Variants in ABCB1 observed in about 807,000 individuals in gnomAD.
The protein encoded by ABCB1 is ATP binding cassette subfamily B member 1.
In ABCB1, 69 loss-of-function variants were observed where a neutral mutation model predicts 142.0. The ratio of observed to expected loss-of-function variants is 0.49; its 90% confidence interval spans 0.40 to 0.59. The LOEUF (loss-of-function observed/expected upper bound fraction) is 0.59. Among genes scored for constraint, ABCB1 ranks in the 20% least tolerant of loss-of-function variants. The pLI is 0.00. For missense variants in ABCB1, 1,326 were observed against 1,554.7 expected, an observed-to-expected ratio of 0.85 and a Z score of 2.47; for synonymous variants, 532 against 539.2, an observed-to-expected ratio of 0.99 and a Z score of 0.18.
At chr7:87,530,910 A>G (rs1816026815) in intron 21 of ABCB1, among the ~76,000 whole-genome samples, 1 of 151,744 alleles carries the variant, frequency 6.6e-6, no homozygotes, top group African/African-American at 2.4e-5. Context: ...GAAGGGAAGG[A>G]AGGAAAAAAG....
intron 17 of ABCB1, 65 bp downstream of exon 17, chr7:87,544,064 A>G: frequency 6.3e-7 from 1 of 1,584,784 alleles, no homozygotes; most frequent in South Asian, 1.1e-5. Context: ...AGACACAAGC[A>G]CTTTATTCGT....
At chr7:87,702,248 A>C (rs1217361387) in intron 1 of ABCB1, among the ~76,000 whole-genome samples, 1 of 149,964 alleles carries the variant, frequency 6.7e-6, no homozygotes, top group Non-Finnish European at 1.5e-5. Context: ...TTATGTTAAC[A>C]GGTAATGGGT....
At chr7:87,574,345 C>T (rs1818188267) in intron 4 of ABCB1, among the ~76,000 whole-genome samples, 1 of 152,174 alleles carries the variant, frequency 6.6e-6, no homozygotes, top group Admixed American at 6.6e-5. Flanking sequence ...CTCCAAGACA[C>T]ACCCCAGGGA....
At chr7:87,678,771 G>T (rs1826627924) in intron 1 of ABCB1, among the ~76,000 whole-genome samples, 1 of 152,112 alleles carries the variant, frequency 6.6e-6, no homozygotes, top group Non-Finnish European at 1.5e-5. Flanking sequence ...AAAAAAGTTG[G>T]AGTAGATTTA....
intron 1 of ABCB1, among the ~76,000 whole-genome samples, chr7:87,639,470 A>G (rs1039066363): frequency 2.6e-5 from 4 of 152,046 alleles, no homozygotes; most frequent in Non-Finnish European, 5.9e-5. Context: ...TATACTCTTT[A>G]GTATTGAGAG....
At chr7:87,628,887 A>G (rs764711054) in intron 1 of ABCB1, 1 of 1,301,006 alleles carries the variant, frequency 7.7e-7, no homozygotes, top group South Asian at 3.4e-5. Context: ...AGGCGGCAAG[A>G]AAAGCCTGAG....
At chr7:87,565,875 A>G (rs1817765384) in intron 7 of ABCB1, among the ~76,000 whole-genome samples, 195 bp downstream of exon 7, 1 of 152,102 alleles carries the variant, frequency 6.6e-6, no homozygotes, top group South Asian at 2.1e-4. Flanking sequence ...TCACATGGCC[A>G]AGAACAGCAT....
At chr7:87,660,366 C>A (rs1039557734) in intron 1 of ABCB1, among the ~76,000 whole-genome samples, 2 of 151,860 alleles carry the variant, frequency 1.3e-5, no homozygotes, top group Non-Finnish European at 2.9e-5. Flanking sequence ...GTCTTCTATC[C>A]CATATACTCT....
intron 1 of ABCB1, among the ~76,000 whole-genome samples, chr7:87,699,763 A>G (rs1828854103): frequency 6.6e-6 from 1 of 152,196 alleles, no homozygotes; most frequent in Admixed American, 6.5e-5. Context: ...TCATGAACGG[A>G]TACATAGTTA....
chr7:87,542,657 C>G (rs1173735238), intron 17 of ABCB1, among the ~76,000 whole-genome samples: 1 of 123,746 alleles, frequency 8.1e-6, no homozygotes, highest in Non-Finnish European at 1.8e-5. Context: ...TTAACCATTT[C>G]CTTTTTTTTT....
In ABCB1 at chr7:87,521,901, C is replaced by T. The variant is rs148585055; in HGVS notation, c.2686-1025G>A. On this transcript the variant is annotated intron_variant, in intron 21 of 27. Coordinates refer to ENST00000622132, the MANE Select transcript of ABCB1 (RefSeq NM_001348946.2). ...ACCAAGGCAGTGATAAGAAAAGGGG[C>T]TTTGCTTTAGTAACTTTTGACGACC... 1.3e-3 allele frequency: 969 copies of T among 774,364 alleles called. 7 individuals carry two copies. The African/African-American group carries it at 0.015, about 12-fold the overall frequency. The allele number at this position is 774,364 out of a possible 1,614,324, so 48.0% of individuals were successfully genotyped here.
chr7:87,628,584 CGTGT>C (rs71117546), intron 1 of ABCB1: 29,848 of 288,544 alleles, frequency 0.1, 1,275 homozygotes, highest in East Asian at 0.18. Context: ...TGCGTGCGTG[CGTGT>C]GTGTGTGTGT....
chr7:87,709,337 T>A (rs2130735826), intron 1 of ABCB1: 14 of 985,364 alleles, frequency 1.4e-5, no homozygotes, highest in Non-Finnish European at 1.7e-5. Flanking sequence ...CTAGTTTCTG[T>A]GTCTTTTAGA....
chr7:87,591,682 A>T lies in ABCB1; in HGVS notation c.117+4084T>A, dbSNP rs76632589. ...AAGGTGAATGAAGTAGAAGCAATCA[A>T]ATGCCAAAGTCCTCAAGGAATGGGG... On this transcript the variant is annotated intron_variant, in intron 3 of 27. Coordinates refer to ENST00000622132, the MANE Select transcript of ABCB1 (RefSeq NM_001348946.2). Among the ~76,000 whole-genome samples, 497 of 152,348 alleles carry T rather than the reference A, an allele frequency of 3.3e-3. 2 individuals carry two copies. Among genetic ancestry groups the T allele is most frequent in the African/African-American group, 0.01 (421 of 41,582 alleles).
chr7:87,555,427 G>T (rs1183247893), intron 8 of ABCB1, among the ~76,000 whole-genome samples: 1 of 152,090 alleles, frequency 6.6e-6, no homozygotes, highest in Non-Finnish European at 1.5e-5. Context: ...TTCCTTTGGA[G>T]AACTTGTTCC....
intron 20 of ABCB1, 147 bp from the exon 21 acceptor site, chr7:87,531,644 T>C: frequency 1.4e-6 from 1 of 727,498 alleles, no homozygotes. Flanking sequence ...GTAAGTTTAT[T>C]GAGTTTCTAC....
In ABCB1 at chr7:87,628,816, A is replaced by C. The variant is rs1033291762; in HGVS notation, c.-330-27738T>G. 1.4e-5 allele frequency: 17 copies of C among 1,240,724 alleles called. No homozygotes were observed. The African/African-American group carries it at 2.6e-4, about 19-fold the overall frequency. 76.9% of individuals were successfully genotyped at this position (1,240,724 alleles called of 1,614,324 possible). On this transcript the variant is annotated intron_variant, in intron 1 of 28. Transcript: ENST00000265724. Reference sequence around the variant, plus strand: ...ACGAGACAAAAGGGGCACGGGGGTAAGCCCGCCATGGCCTCCCGGAGCCTG... The same window carrying C: ...ACGAGACAAAAGGGGCACGGGGGTACGCCCGCCATGGCCTCCCGGAGCCTG...
chr7:87,554,894 A>G (rs1380516248), intron 8 of ABCB1, among the ~76,000 whole-genome samples: 1 of 152,232 alleles, frequency 6.6e-6, no homozygotes, highest in Non-Finnish European at 1.5e-5. Flanking sequence ...CAAATATAGG[A>G]AATTGTACAA....
At position 87,550,211 on chromosome 7, in the gene ABCB1, A is replaced by G; in HGVS notation, c.1310T>C (p.Val437Ala). 1.2e-6 allele frequency: 2 copies of G among 1,614,158 alleles called. No individual in the cohort carries two copies. The highest frequency in any genetic ancestry group is 1.7e-6 in the Non-Finnish European group (2 of 1,180,026). ...GTCATAGAGCCTCTGCATCAGCTGG[A>G]CTGTTGTGCTCTTCCCACAGCCACT... is the stretch of plus-strand genomic sequence containing the variant. ...GNSGCGKSTT[V>A]QLMQRLYDPT... is the part of the protein sequence containing the mutation. Residue 437 changes from valine to alanine, a missense_variant, in exon 12 of 28, where the codon GTC becomes GCC. Physicochemically the swap from Val to Ala is moderately conservative, Grantham distance 64 (BLOSUM62 0). Transcript: ENST00000622132.
Sources: allele counts gnomAD v4.1 joint callset (sites outside exome capture counted in the v4.1 genomes callset), GRCh38; gene constraint gnomAD v4.1.1; transcripts MANE v1.5; gene names NCBI Gene and HGNC (gene_info 2026-07-23, HGNC 2026-07-21).